The following RAC1 variants were observed in gnomAD, a reference collection of about 807,000 sequenced individuals.
RAC1 encodes the protein ras-related C3 botulinum toxin substrate 1.
Under a neutral mutation model 25.2 loss-of-function variants are expected in RAC1, and 2 were observed. The ratio of observed to expected loss-of-function variants is 0.08; its 90% CI spans 0.03 to 0.25. The LOEUF is 0.25. Ranked by LOEUF, RAC1 falls within the 10% of genes least tolerant of loss-of-function variation. The pLI is 1.00. For synonymous variants in RAC1, 88 were observed against 94.0 expected, an observed-to-expected ratio of 0.94 and a Z score of 0.37; for missense variants, 50 against 235.7, an observed-to-expected ratio of 0.21 and a Z score of 5.16.
At chr7:6,386,078 C>T (rs930551090) in intron 1 of RAC1, among the ~76,000 whole-genome samples, 4 of 152,340 alleles carry the variant, frequency 2.6e-5, no homozygotes, top group African/African-American at 4.8e-5. Flanking sequence ...TTCTGCCTGG[C>T]GGCACACTGG....
chr7:6,384,299 C>G lies in RAC1; in HGVS notation c.36-2913C>G, dbSNP rs552245083. The stretch of plus-strand genomic sequence containing the variant: ...GCTCCTGGACTGTAGCAACAGCTTC[C>G]ATGTGTGTCTGCCTTGACTGAGTCC... On this transcript the variant is annotated intron_variant, in intron 1 of 5. Coordinates refer to ENST00000348035, the MANE Select transcript of RAC1 (RefSeq NM_006908.5). 1.3e-3 allele frequency among the ~76,000 whole-genome samples: 192 copies of G among 152,292 alleles called. 1 individual carries two copies. The highest frequency in any genetic ancestry group is 2.3e-3 in the Non-Finnish European group (157 of 68,030).
intron 3 of RAC1, among the ~76,000 whole-genome samples, chr7:6,394,357 CT>C (rs1783167014): frequency 6.6e-6 from 1 of 152,190 alleles, no homozygotes; most frequent in African/African-American, 2.4e-5. Context: ...ATTATTTTCT[CT>C]TGAAAATCTT....
intron 1 of RAC1, among the ~76,000 whole-genome samples, chr7:6,385,031 C>T (rs1052014409): frequency 6.6e-6 from 1 of 151,994 alleles, no homozygotes; most frequent in Non-Finnish European, 1.5e-5. Context: ...GTCTTGAACT[C>T]CTGGGCTCAA....
At chr7:6,391,368 T>C (rs1024629786) in intron 2 of RAC1, 2 of 153,350 alleles carry the variant, frequency 1.3e-5, no homozygotes, top group African/African-American at 2.4e-5. Context: ...CTCTCCTGAC[T>C]AATTTGTGTA....
chr7:6,380,263 A>G (rs930881644), intron 1 of RAC1, among the ~76,000 whole-genome samples: 3 of 152,144 alleles, frequency 2.0e-5, no homozygotes, highest in Non-Finnish European at 2.9e-5. Flanking sequence ...TGGTAAAGGT[A>G]TTTGAATTCT....
Position 6,379,439 on chromosome 7 carries a change from A to G in RAC1, c.35+4669A>G, listed in dbSNP as rs2115183915. On this transcript the variant is annotated intron_variant, in intron 1 of 5. Coordinates refer to ENST00000348035, the MANE Select transcript of RAC1 (RefSeq NM_006908.5). The stretch of plus-strand genomic sequence containing the variant: ...ACAGTCACGCTCCACCACACTGACT[A>G]ATTTCGTATTTTTAATAGAGACGAG... Among the ~76,000 whole-genome samples, 2 of 151,680 alleles carry G rather than the reference A, an allele frequency of 1.3e-5. 1 individual carries two copies. Among genetic ancestry groups the G allele is most frequent in the South Asian group, 4.2e-4 (2 of 4,784 alleles).
intron 1 of RAC1, among the ~76,000 whole-genome samples, chr7:6,376,779 GTTTTTT>G (rs35795933): frequency 1.7e-5 from 2 of 116,382 alleles, no homozygotes; most frequent in Admixed American, 9.5e-5. Context: ...GCCTCGGCCT[GTTTTTT>G]TTTTTTTTTT....
At chr7:6,394,588 C>T (rs372999239) in intron 3 of RAC1, among the ~76,000 whole-genome samples, 60 of 152,268 alleles carry the variant, frequency 3.9e-4, no homozygotes, top group African/African-American at 9.4e-4. Flanking sequence ...GCAGCGGGTT[C>T]GCTGAGATGC....
At chr7:6,382,552 C>T (rs988904623) in intron 1 of RAC1, among the ~76,000 whole-genome samples, 1 of 152,152 alleles carries the variant, frequency 6.6e-6, no homozygotes, top group Non-Finnish European at 1.5e-5. Context: ...TTACCCTACT[C>T]TCCTCAAAAA....
chr7:6,400,737 G>A (rs565645001), intron 4 of RAC1, among the ~76,000 whole-genome samples: 3 of 152,038 alleles, frequency 2.0e-5, no homozygotes, highest in South Asian at 2.1e-4. Context: ...GTGCAGTGAC[G>A]CAATCTTGGC....
At chr7:6,378,045 GAA>G (rs368455826) in intron 1 of RAC1, among the ~76,000 whole-genome samples, 63 of 152,188 alleles carry the variant, frequency 4.1e-4, no homozygotes, top group African/African-American at 1.4e-3. Flanking sequence ...GGCTCTTAAG[GAA>G]ACTCCTGCTC....
intron 1 of RAC1, among the ~76,000 whole-genome samples, chr7:6,386,571 C>A: frequency 6.6e-6 from 1 of 151,912 alleles, no homozygotes; most frequent in Non-Finnish European, 1.5e-5. Flanking sequence ...CACTTGAGGT[C>A]AGGAGTTCGA....
At chr7:6,385,151 A>T (rs1782886872) in intron 1 of RAC1, among the ~76,000 whole-genome samples, 1 of 152,216 alleles carries the variant, frequency 6.6e-6, no homozygotes, top group African/African-American at 2.4e-5. Context: ...CTTTTGCTGT[A>T]CATTTCCAGA....
intron 3 of RAC1, chr7:6,398,582 A>AT: frequency 1.6e-6 from 2 of 1,251,560 alleles, no homozygotes; most frequent in South Asian, 2.6e-5. Flanking sequence ...AATTCTAATA[A>AT]AGAATCGATA....
chr7:6,402,282 A>G (rs1783423804), intron 5 of RAC1, 34 bp from the exon 6 acceptor site: 2 of 1,575,264 alleles, frequency 1.3e-6, no homozygotes, highest in Non-Finnish European at 1.7e-6. Context: ...AGTGGGGTCG[A>G]GTGTACATTG....
At position 6,402,550 on chromosome 7, in the gene RAC1, C is replaced by T. The variant is rs1340740963; in HGVS notation, c.*104C>T. The T allele has an allele frequency of 8.7e-7, 1 of 1,152,766 alleles. No homozygotes were observed. The highest frequency in any genetic ancestry group is 1.1e-6 in the Non-Finnish European group (1 of 902,684). 71.4% of individuals were successfully genotyped at this position (1,152,766 alleles called of 1,614,324 possible). A position where few individuals can be genotyped will look rare whatever the true frequency, so the allele number is the denominator to read the frequency against. On this transcript the variant is annotated 3_prime_UTR_variant, in exon 6 of 6. Transcript: ENST00000348035. ...CAAAAAAAAAAAACAACGGTGGAGC[C>T]TTCGCACTCAATGCCAACTTTTTGT...
At chr7:6,375,813 C>G (rs1782575412) in intron 1 of RAC1, 1 of 151,936 alleles carries the variant, frequency 6.6e-6, no homozygotes, top group African/African-American at 2.4e-5. Flanking sequence ...GTTACAGGCC[C>G]TAGAGGAAGA....
intron 1 of RAC1, among the ~76,000 whole-genome samples, chr7:6,380,565 A>G (rs562642178): frequency 1.3e-3 from 195 of 152,292 alleles, no homozygotes; most frequent in African/African-American, 4.4e-3. Flanking sequence ...CTCCATCACT[A>G]CGTAGCTCTT....
chr7:6,387,330 AC>A, intron 2 of RAC1, 47 bp downstream of exon 2: 2 of 1,315,208 alleles, frequency 1.5e-6, no homozygotes, highest in Non-Finnish European at 2.1e-6. Flanking sequence ...TACGGGTTTC[AC>A]ATTTCTTTGA....
Sources: allele counts gnomAD v4.1 joint callset (sites outside exome capture counted in the v4.1 genomes callset), GRCh38; gene constraint gnomAD v4.1.1; transcripts MANE v1.5; gene names NCBI Gene and HGNC (gene_info 2026-07-23, HGNC 2026-07-21).